Variants in SEC13 observed in about 807,000 individuals in gnomAD.
SEC13 encodes protein SEC13 homolog.
In SEC13, 25 loss-of-function variants were observed where a neutral mutation model predicts 49.2. That is an observed-to-expected ratio of 0.51 (90% confidence interval 0.37 to 0.71). The LOEUF (loss-of-function observed/expected upper bound fraction) is 0.71, where lower values mean the gene tolerates loss of function less well. SEC13 is among the 30% of genes least tolerant of loss of function. The pLI, the probability that SEC13 is intolerant of heterozygous loss-of-function variation, is 0.00. For synonymous variants in SEC13, 148 were observed against 163.9 expected (o/e 0.90, Z 0.74); for missense variants, 383 against 417.6 (o/e 0.92, Z 0.72).
intron 3 of SEC13, chr3:10,315,013 A>G (rs922312750): frequency 1.8e-5 from 5 of 278,780 alleles, no homozygotes; most frequent in Admixed American, 4.9e-5. Flanking sequence ...CATTGGCCCA[A>G]TTTTGAGGAT....
At chr3:10,301,425 G>C (rs1700503188) in intron 8 of SEC13, 51 bp from the exon 9 acceptor site, 1 of 1,609,858 alleles carries the variant, frequency 6.2e-7, no homozygotes, top group East Asian at 2.2e-5. Context: ...CCTTCCCTCT[G>C]CTGTCCCCTA....
Position 10,302,755 on chromosome 3 carries a change from C to T in SEC13, c.855+1271G>A, listed in dbSNP as rs578050747. On this transcript the variant is annotated intron_variant, in intron 8 of 8. Transcript: ENST00000350697. ...CACCCATGTTCACAGCCACACTATT[C>T]GCAATAGCTAAGAGGTGGCAGCAGC... is the stretch of plus-strand genomic sequence containing the variant. 2.6e-4 allele frequency among the ~76,000 whole-genome samples: 40 copies of T among 152,266 alleles called. 1 individual carries two copies. Among genetic ancestry groups the T allele is most frequent in the African/African-American group, 8.9e-4 (37 of 41,550 alleles).
At chr3:10,312,469 G>GAGAC in intron 4 of SEC13, 110 bp downstream of exon 4, 2 of 1,347,968 alleles carry the variant, frequency 1.5e-6, no homozygotes, top group Non-Finnish European at 1.0e-6. Context: ...CAAAGCTCAA[G>GAGAC]AGACAGACAA....
intron 5 of SEC13, among the ~76,000 whole-genome samples, chr3:10,309,063 G>A (rs1701083325): frequency 6.7e-6 from 1 of 150,360 alleles, no homozygotes; most frequent in Non-Finnish European, 1.5e-5. Flanking sequence ...TCAGCCTTCC[G>A]AGTAGCTGAG....
intron 1 of SEC13, 188 bp downstream of exon 1, chr3:10,320,862 C>T (rs950958945): frequency 5.2e-6 from 7 of 1,344,248 alleles, no homozygotes; most frequent in African/African-American, 1.5e-5. Context: ...GGAGGTTCCT[C>T]GGCCTCACCT....
intron 5 of SEC13, among the ~76,000 whole-genome samples, chr3:10,307,610 A>C (rs1182986718): frequency 1.3e-5 from 2 of 152,130 alleles, no homozygotes; most frequent in Non-Finnish European, 2.9e-5. Context: ...CCCTTCATAA[A>C]ACCATCAGAT....
intron 6 of SEC13, 100 bp downstream of exon 6, chr3:10,305,459 G>A: frequency 6.9e-7 from 1 of 1,445,820 alleles, no homozygotes. Flanking sequence ...GAGGGAGAAA[G>A]AAAGGTGACC....
chr3:10,303,308 C>T (rs891456674), intron 8 of SEC13, among the ~76,000 whole-genome samples: 5 of 152,224 alleles, frequency 3.3e-5, no homozygotes, highest in East Asian at 1.9e-4. Context: ...AGCCACTCCA[C>T]GTGGAACTGA....
At position 10,309,239 on chromosome 3, in the gene SEC13, T is replaced by C. The variant is rs1045925813; in HGVS notation, c.450+2726A>G. ...AGGCTGAGCCACTGCGCCCGGCTGA[T>C]ATTGTTAAGTGTGGGGTATGATCTC... On this transcript the variant is annotated intron_variant, in intron 5 of 8. Transcript: ENST00000350697. Among the ~76,000 whole-genome samples the C allele has an allele frequency of 3.3e-5, 5 of 152,158 alleles. No homozygotes were observed. In the East Asian group the frequency reaches 5.8e-4, roughly 18 times the overall value.
intron 7 of SEC13, among the ~76,000 whole-genome samples, 158 bp from the exon 8 acceptor site, chr3:10,304,330 TTC>T (rs1700729380): frequency 6.6e-6 from 1 of 152,038 alleles, no homozygotes; most frequent in African/African-American, 2.4e-5. Context: ...ACAGCTTTGT[TTC>T]TGTCTCTTCA....
chr3:10,316,492 G>C (rs948983797), intron 2 of SEC13, among the ~76,000 whole-genome samples: 1 of 152,146 alleles, frequency 6.6e-6, no homozygotes, highest in African/African-American at 2.4e-5. Context: ...TGTTTCTGAA[G>C]CACTTCTCAT....
At chr3:10,314,100 T>C (rs548100635) in intron 3 of SEC13, 6 of 151,586 alleles carry the variant, frequency 4.0e-5, no homozygotes, top group Non-Finnish European at 8.8e-5. Flanking sequence ...GAAAATTCAA[T>C]TATAAATTAT....
chr3:10,303,961 T>C, intron 8 of SEC13, 65 bp downstream of exon 8: 1 of 1,574,014 alleles, frequency 6.4e-7, no homozygotes, highest in Non-Finnish European at 8.7e-7. Flanking sequence ...TCAAGTGCCC[T>C]CTCTAGTGGG....
At chr3:10,310,817 A>G (rs1173726504) in intron 5 of SEC13, among the ~76,000 whole-genome samples, 1 of 152,188 alleles carries the variant, frequency 6.6e-6, no homozygotes, top group Non-Finnish European at 1.5e-5. Flanking sequence ...GAGAACATCC[A>G]TCATCTGATG....
At position 10,304,166 on chromosome 3, in the gene SEC13, G is replaced by C; in HGVS notation, c.715C>G (p.Arg239Gly). ...STIASCSQDG[R>G]VFIWTCDDAS... Reference sequence around the variant, plus strand: ...TCATCACAGGTCCAAATGAACACACGACCATCCTAGGAAGAAACAGGATAG... The same window carrying C: ...TCATCACAGGTCCAAATGAACACACCACCATCCTAGGAAGAAACAGGATAG... The change falls in exon 8 of 9, where the codon CGT (arginine) becomes GGT (glycine). Residue 239 changes from arginine (R) to glycine (G), a missense_variant. Transcript: ENST00000350697. The C allele has an allele frequency of 6.2e-7, 1 of 1,613,894 alleles. No individual in the cohort carries two copies. Among genetic ancestry groups the C allele is most frequent in the African/African-American group, 1.3e-5 (1 of 74,996 alleles).
At chr3:10,305,479 G>A (rs1700813512) in intron 6 of SEC13, 80 bp downstream of exon 6, 1 of 1,522,166 alleles carries the variant, frequency 6.6e-7, no homozygotes, top group Non-Finnish European at 9.0e-7. Context: ...CTTGTTTCTT[G>A]TGAGTGTGGC....
intron 5 of SEC13, among the ~76,000 whole-genome samples, chr3:10,310,078 C>T (rs1701155594): frequency 6.6e-6 from 1 of 152,226 alleles, no homozygotes. Flanking sequence ...TTCAGCCTTT[C>T]TTATTGTGGG....
chr3:10,304,816 C>T (rs1332340090), intron 7 of SEC13, among the ~76,000 whole-genome samples: 4 of 152,156 alleles, frequency 2.6e-5, no homozygotes, highest in Non-Finnish European at 4.4e-5. Flanking sequence ...TTCTTGGTGC[C>T]GGTTCTGTTG....
intron 1 of SEC13, among the ~76,000 whole-genome samples, chr3:10,318,970 C>T (rs117690246): frequency 6.6e-6 from 1 of 152,240 alleles, no homozygotes; most frequent in African/African-American, 2.4e-5. Flanking sequence ...TCAAATCATC[C>T]AGCACAGTGC....
Sources: allele counts gnomAD v4.1 joint callset (sites outside exome capture counted in the v4.1 genomes callset), GRCh38; gene constraint gnomAD v4.1.1; transcripts MANE v1.5; gene names NCBI Gene and HGNC (gene_info 2026-07-23, HGNC 2026-07-21).